DNAH6: variants seen among roughly 807,000 people sequenced by gnomAD.
DNAH6 encodes the protein axonemal beta dynein heavy chain 6.
A neutral mutation model predicts 491.4 loss-of-function variants in DNAH6; 340 were observed. That is an observed-to-expected ratio of 0.69 (90% CI 0.63 to 0.76). The LOEUF is 0.76. Among genes scored for constraint, DNAH6 ranks in the 30% least tolerant of loss-of-function variants. The probability of loss-of-function intolerance (pLI) is 0.00; values close to 1 mark genes in which losing one functional copy is unlikely to be tolerated. For missense variants in DNAH6, 4,443 were observed against 4,972.2 expected, an observed-to-expected ratio of 0.89 and a Z score of 3.20; for synonymous variants, 1,603 against 1,686.1, an observed-to-expected ratio of 0.95 and a Z score of 1.21.
upstream of DNAH6, among the ~76,000 whole-genome samples, chr2:84,514,359 T>C (rs1675451511): frequency 6.6e-6 from 1 of 152,196 alleles, no homozygotes; most frequent in Non-Finnish European, 1.5e-5. Context: ...ACAACCTCTT[T>C]AAGCCTCAAT....
intron 37 of DNAH6, among the ~76,000 whole-genome samples, chr2:84,661,343 A>T (rs1691489381): frequency 2.0e-5 from 3 of 152,194 alleles, no homozygotes; most frequent in Admixed American, 6.5e-5. Context: ...CAGTGCAATA[A>T]GGCAAGAAAA....
At chr2:84,736,264 A>T (rs1330631183) in intron 62 of DNAH6, among the ~76,000 whole-genome samples, 1 of 152,170 alleles carries the variant, frequency 6.6e-6, no homozygotes, top group East Asian at 1.9e-4. Context: ...GTATATTTAC[A>T]TGTTGAATAA....
intron 55 of DNAH6, 140 bp from the exon 56 acceptor site, chr2:84,710,147 G>T (rs763973665): frequency 1.2e-5 from 13 of 1,077,242 alleles, no homozygotes; most frequent in Non-Finnish European, 1.7e-5. Flanking sequence ...TTATTGTCGG[G>T]GGACAGGGGA....
chr2:84,706,420 C>A (rs1042535574), intron 52 of DNAH6, among the ~76,000 whole-genome samples: 3 of 152,082 alleles, frequency 2.0e-5, no homozygotes, highest in Non-Finnish European at 4.4e-5. Context: ...AAATATTATT[C>A]TTTTAAAGAT....
At chr2:84,594,755 T>G (rs542093522) in intron 17 of DNAH6, among the ~76,000 whole-genome samples, 1 of 152,300 alleles carries the variant, frequency 6.6e-6, no homozygotes, top group African/African-American at 2.4e-5. Context: ...TGCCTATAAT[T>G]AGAAGGCACA....
chr2:84,482,967 T>C, the DNAH6 span, among the ~76,000 whole-genome samples: 1 of 151,446 alleles, frequency 6.6e-6, no homozygotes, highest in Non-Finnish European at 1.5e-5. Context: ...TTTTTTTTTT[T>C]CTTTTTTGAG....
intron 2 of DNAH6, among the ~76,000 whole-genome samples, chr2:84,521,677 A>C (rs1573488775): frequency 6.6e-6 from 1 of 152,120 alleles, no homozygotes; most frequent in South Asian, 2.1e-4. Flanking sequence ...GTCCATTTTT[A>C]ATCTTCTGCA....
intron 18 of DNAH6, among the ~76,000 whole-genome samples, chr2:84,599,274 G>A (rs1684993655): frequency 6.6e-6 from 1 of 151,782 alleles, no homozygotes; most frequent in Non-Finnish European, 1.5e-5. Context: ...CCAGTCAGTT[G>A]CTTGTCTTTT....
In DNAH6 at chr2:84,672,512, G is replaced by A. The variant is rs1486922281; in HGVS notation, c.6612+28G>A. The A allele has an allele frequency of 3.9e-6, 6 of 1,532,620 alleles. No individual in the cohort carries two copies. In the African/African-American group the frequency reaches 8.3e-5, roughly 21 times the overall value. The allele number at this position is 1,532,620 out of a possible 1,614,324, so 94.9% of individuals were successfully genotyped here. On this transcript the variant is annotated intron_variant, in intron 40 of 76. Transcript: ENST00000389394. ...TACTTTAGCTTTTAAATTACTTGGT[G>A]TGCTTAAATTTAAATGACAAGGAAA...
At chr2:84,771,626 T>A (rs1675629649) in intron 64 of DNAH6, among the ~76,000 whole-genome samples, 1 of 152,194 alleles carries the variant, frequency 6.6e-6, no homozygotes, top group Non-Finnish European at 1.5e-5. Context: ...AATTAATGGC[T>A]GATTCTCATC....
At chr2:84,571,035 C>A (rs140988034) in intron 11 of DNAH6, among the ~76,000 whole-genome samples, 1 of 152,096 alleles carries the variant, frequency 6.6e-6, no homozygotes, top group East Asian at 1.9e-4. Flanking sequence ...GAGAATCCAC[C>A]GGAAGGAACC....
intron 33 of DNAH6, among the ~76,000 whole-genome samples, chr2:84,652,383 T>C (rs1400011223): frequency 1.3e-5 from 2 of 152,104 alleles, no homozygotes; most frequent in Non-Finnish European, 2.9e-5. Context: ...ATTATTTATT[T>C]ATAATTATTA....
At chr2:84,678,573 C>A (rs755317975) in intron 41 of DNAH6, among the ~76,000 whole-genome samples, 1 of 151,950 alleles carries the variant, frequency 6.6e-6, no homozygotes, top group Non-Finnish European at 1.5e-5. Context: ...TTCATCATTC[C>A]AAAATGGAAT....
chr2:84,651,171 TA>T (rs1419705876), intron 33 of DNAH6, among the ~76,000 whole-genome samples: 3 of 152,104 alleles, frequency 2.0e-5, no homozygotes, highest in Admixed American at 6.6e-5. Flanking sequence ...TGGACAGTGG[TA>T]AAAGTCCTGA....
chr2:84,633,413 CT>C (rs762940208), intron 29 of DNAH6, among the ~76,000 whole-genome samples: 5 of 151,986 alleles, frequency 3.3e-5, no homozygotes, highest in Non-Finnish European at 5.9e-5. Context: ...GTTTAGTCTG[CT>C]TGGGGTGAGA....
chr2:84,526,288 G>T (rs1205000870), intron 3 of DNAH6, among the ~76,000 whole-genome samples: 1 of 152,084 alleles, frequency 6.6e-6, no homozygotes, highest in Non-Finnish European at 1.5e-5. Context: ...GATACCAGTA[G>T]AGCCAAGATT....
At chr2:84,797,213 A>G (rs996988433) in intron 69 of DNAH6, among the ~76,000 whole-genome samples, 24 of 152,320 alleles carry the variant, frequency 1.6e-4, no homozygotes, top group Middle Eastern at 3.4e-3. Flanking sequence ...TAAGCCCTTA[A>G]TGAGTTACAC....
At chr2:84,507,763 G>T in the DNAH6 span, among the ~76,000 whole-genome samples, 2 of 152,180 alleles carry the variant, frequency 1.3e-5, no homozygotes, top group Non-Finnish European at 2.9e-5. Flanking sequence ...TTTATTGAGA[G>T]TTTTTAGCAT....
At chr2:84,771,774 A>T (rs775237925) in intron 64 of DNAH6, among the ~76,000 whole-genome samples, 3 of 152,058 alleles carry the variant, frequency 2.0e-5, no homozygotes, top group Non-Finnish European at 4.4e-5. Flanking sequence ...TCCCAGATAA[A>T]CAAAAACTGA....
Sources: gnomAD v4.1 joint callset for allele counts (sites outside exome capture counted in the v4.1 genomes callset) on GRCh38, gnomAD v4.1.1 for gene constraint, MANE v1.5 for transcripts, NCBI Gene and HGNC (gene_info 2026-07-23, HGNC 2026-07-21) for gene names.